The following BTBD9 variants were observed in gnomAD, a reference collection of about 807,000 sequenced individuals.
BTBD9 encodes the protein BTB domain containing 9, also known as BTB/POZ domain-containing protein 9.
Under a neutral mutation model 64.3 loss-of-function variants are expected in BTBD9, and 49 were observed. The ratio of observed to expected loss-of-function variants is 0.76; its 90% CI spans 0.61 to 0.97. The LOEUF is 0.97. Among genes scored for constraint, BTBD9 ranks in the 50% least tolerant of loss-of-function variants. The probability of loss-of-function intolerance (pLI) is 0.00; values close to 1 mark genes in which losing one functional copy is unlikely to be tolerated. For missense variants in BTBD9, 598 were observed against 762.1 expected (o/e 0.78, Z 2.53); for synonymous variants, 260 against 274.7 (o/e 0.95, Z 0.53).
At chr6:38,214,993 C>T (rs905594814) in intron 9 of BTBD9, among the ~76,000 whole-genome samples, 2 of 152,152 alleles carry the variant, frequency 1.3e-5, no homozygotes, top group African/African-American at 4.8e-5. Flanking sequence ...GGAAATCTCT[C>T]GCAATAAAAT....
intron 8 of BTBD9, among the ~76,000 whole-genome samples, chr6:38,282,519 C>T (rs1354442924): frequency 6.6e-6 from 1 of 152,192 alleles, no homozygotes; most frequent in African/African-American, 2.4e-5. Flanking sequence ...AGGGCCTCCC[C>T]ATCCCTGCCC....
intron 9 of BTBD9, among the ~76,000 whole-genome samples, chr6:38,222,885 T>G (rs1763262702): frequency 6.6e-6 from 1 of 152,128 alleles, no homozygotes; most frequent in South Asian, 2.1e-4. Context: ...GAACCTGAGT[T>G]TAGGGGAAGG....
chr6:38,548,315 C>T (rs893349606), intron 6 of BTBD9, among the ~76,000 whole-genome samples: 9 of 152,176 alleles, frequency 5.9e-5, no homozygotes, highest in African/African-American at 1.9e-4. Context: ...TCTGTGAAGG[C>T]GGCATGAAGT....
At chr6:38,449,222 C>T (rs1387423232) in intron 6 of BTBD9, among the ~76,000 whole-genome samples, 2 of 151,902 alleles carry the variant, frequency 1.3e-5, no homozygotes, top group Admixed American at 6.6e-5. Context: ...AATTTCAGCT[C>T]GATAAAAGGA....
In BTBD9 at chr6:38,169,786, A is replaced by G. The variant is rs1766677970; in HGVS notation, c.*5199T>C. On this transcript the variant is annotated 3_prime_UTR_variant, in exon 11 of 11. Coordinates refer to ENST00000481247, the MANE Select transcript of BTBD9 (RefSeq NM_001099272.2). ...CCCTCCCCCCCGCCCATTCAGGGCTATAAATACTCACGGACGCAAATGGTA... is the reference window on the plus strand; with the variant it reads ...CCCTCCCCCCCGCCCATTCAGGGCTGTAAATACTCACGGACGCAAATGGTA... 1 of 129,528 alleles carries G rather than the reference A, an allele frequency of 7.7e-6. No homozygotes were observed. Among genetic ancestry groups the G allele is most frequent in the Admixed American group, 9.6e-5 (1 of 10,462 alleles). 8.0% of individuals were successfully genotyped at this position (129,528 alleles called of 1,614,324 possible).
intron 7 of BTBD9, among the ~76,000 whole-genome samples, chr6:38,315,638 T>G (rs1763004257): frequency 6.6e-6 from 1 of 152,232 alleles, no homozygotes; most frequent in African/African-American, 2.4e-5. Flanking sequence ...CTCTTCTTAC[T>G]GATTTCTAGT....
At chr6:38,625,030 T>C (rs1275421430) in intron 1 of BTBD9, among the ~76,000 whole-genome samples, 1 of 152,222 alleles carries the variant, frequency 6.6e-6, no homozygotes, top group African/African-American at 2.4e-5. Context: ...AATTTCCCTT[T>C]TGTCCTTCTC....
intron 6 of BTBD9, among the ~76,000 whole-genome samples, chr6:38,440,830 G>A (rs1248837204): frequency 6.6e-6 from 1 of 152,152 alleles, no homozygotes; most frequent in East Asian, 1.9e-4. Context: ...CAGATAATGA[G>A]CTATAGTAGA....
chr6:38,321,346 C>A (rs531617467), intron 7 of BTBD9, among the ~76,000 whole-genome samples: 1 of 152,264 alleles, frequency 6.6e-6, no homozygotes, highest in South Asian at 2.1e-4. Flanking sequence ...GAAAGGTACC[C>A]TACAGTATTT....
chr6:38,364,340 A>T (rs776425494), intron 6 of BTBD9, among the ~76,000 whole-genome samples: 4 of 152,138 alleles, frequency 2.6e-5, no homozygotes, highest in Admixed American at 1.3e-4. Flanking sequence ...AATGATTTCC[A>T]TTGCTTCCTC....
intron 4 of BTBD9, among the ~76,000 whole-genome samples, chr6:38,581,919 T>C (rs557500522): frequency 7.9e-5 from 12 of 152,346 alleles, no homozygotes; most frequent in African/African-American, 2.9e-4. Flanking sequence ...AAGAGAACTA[T>C]GTATGTTTAC....
intron 6 of BTBD9, among the ~76,000 whole-genome samples, chr6:38,460,469 T>G (rs1416418626): frequency 6.6e-6 from 1 of 152,168 alleles, no homozygotes; most frequent in African/African-American, 2.4e-5. Flanking sequence ...AAAAAAGAAT[T>G]TACTGGTGTA....
chr6:38,519,765 C>G (rs1773200897), intron 6 of BTBD9, among the ~76,000 whole-genome samples: 1 of 152,186 alleles, frequency 6.6e-6, no homozygotes, highest in African/African-American at 2.4e-5. Flanking sequence ...TCCAGCTACC[C>G]TTGAGGCCTA....
At chr6:38,226,359 T>A (rs1763392768) in intron 9 of BTBD9, among the ~76,000 whole-genome samples, 1 of 152,170 alleles carries the variant, frequency 6.6e-6, no homozygotes, top group African/African-American at 2.4e-5. Context: ...CAGCAGCTCT[T>A]ACAGTAACTG....
intron 6 of BTBD9, among the ~76,000 whole-genome samples, chr6:38,474,759 A>G (rs767973355): frequency 1.3e-5 from 2 of 152,138 alleles, no homozygotes; most frequent in Non-Finnish European, 2.9e-5. Context: ...CTTAAACATA[A>G]TTACATTCAT....
At chr6:38,605,098 G>GT in intron 1 of BTBD9, among the ~76,000 whole-genome samples, 1 of 151,718 alleles carries the variant, frequency 6.6e-6, no homozygotes, top group South Asian at 2.1e-4. Context: ...TCAGGCTGGA[G>GT]TGCAGTGGTG....
intron 7 of BTBD9, among the ~76,000 whole-genome samples, chr6:38,297,559 T>C (rs1342757947): frequency 6.6e-6 from 1 of 152,204 alleles, no homozygotes; most frequent in African/African-American, 2.4e-5. Context: ...GTTTTTGCCC[T>C]AAAGTCTATG....
chr6:38,178,442 C>T (rs1269219881), intron 10 of BTBD9, among the ~76,000 whole-genome samples: 2 of 152,148 alleles, frequency 1.3e-5, no homozygotes, highest in Non-Finnish European at 2.9e-5. Flanking sequence ...GCACCTCCTA[C>T]GTGCCTGACT....
chr6:38,420,952 T>C (rs781683628), intron 6 of BTBD9, among the ~76,000 whole-genome samples: 18 of 152,216 alleles, frequency 1.2e-4, no homozygotes, highest in Non-Finnish European at 1.9e-4. Flanking sequence ...TTATAACTTA[T>C]ATGCATTTTA....
Sources: gnomAD v4.1 joint callset for allele counts (sites outside exome capture counted in the v4.1 genomes callset) on GRCh38, gnomAD v4.1.1 for gene constraint, MANE v1.5 for transcripts, NCBI Gene and HGNC (gene_info 2026-07-23, HGNC 2026-07-21) for gene names.